Variants in NOTCH2 observed in about 807,000 individuals in gnomAD.
NOTCH2 encodes the protein neurogenic locus notch homolog protein 2.
NOTCH2 carries 29 observed loss-of-function variants against 235.8 expected under a neutral mutation model. The ratio of observed to expected loss-of-function variants is 0.12; its 90% CI spans 0.09 to 0.17. The LOEUF (loss-of-function observed/expected upper bound fraction) is 0.17. Ranked by LOEUF, NOTCH2 falls within the 10% of genes least tolerant of loss-of-function variation. The pLI is 1.00. For missense variants in NOTCH2, 2,285 were observed against 3,150.2 expected (o/e 0.73, Z 6.57); for synonymous variants, 1,086 against 1,141.5 (o/e 0.95, Z 0.98).
At chr1:120,042,133 G>T (rs1170083845) in intron 1 of NOTCH2, among the ~76,000 whole-genome samples, 1 of 99,556 alleles carries the variant, frequency 1.0e-5, no homozygotes, top group African/African-American at 5.3e-5. Flanking sequence ...ACCTAAGTGA[G>T]GTCTGCTCCA....
At chr1:119,954,930 A>G in intron 13 of NOTCH2, 110 bp downstream of exon 13, 1 of 1,062,936 alleles carries the variant, frequency 9.4e-7, no homozygotes, top group East Asian at 2.5e-5. Context: ...AATCTTCAGC[A>G]AAGTTTCAGC....
chr1:119,973,094 G>A (rs1553200561), intron 5 of NOTCH2, among the ~76,000 whole-genome samples: 1 of 152,180 alleles, frequency 6.6e-6, no homozygotes, highest in Non-Finnish European at 1.5e-5. Flanking sequence ...GCATCTGTTC[G>A]ATAGTGCTTG....
At chr1:119,953,779 AAACT>A in intron 13 of NOTCH2, 91 bp from the exon 14 acceptor site, 3 of 1,093,600 alleles carry the variant, frequency 2.7e-6, no homozygotes, top group Non-Finnish European at 4.2e-6. Flanking sequence ...GAAATGGGGT[AAACT>A]GATCTCATTT....
At chr1:119,921,207 A>G (rs1649274977) in intron 29 of NOTCH2, among the ~76,000 whole-genome samples, 1 of 152,204 alleles carries the variant, frequency 6.6e-6, no homozygotes, top group Non-Finnish European at 1.5e-5. Context: ...TTTTCATGTC[A>G]GTCTCAGCCC....
rs782601589 is a variant in NOTCH2 at position 119,968,244 on chromosome 1, T to G, written c.1109-12A>C. On this transcript the variant is annotated splice_polypyrimidine_tract_variant and intron_variant, in intron 6 of 33. Coordinates refer to ENST00000256646, the MANE Select transcript of NOTCH2 (RefSeq NM_024408.4). ...ATGACACAGGAGACCTGTCACAGGG[T>G]GGGGCAAAGGACAACTAAGAGAAAA... 24 of 1,613,142 alleles carry G rather than the reference T, an allele frequency of 1.5e-5. No individual in the cohort carries two copies. The South Asian group carries it at 2.4e-4, about 16-fold the overall frequency.
chr1:120,011,797 A>C (rs1553206975), intron 2 of NOTCH2, among the ~76,000 whole-genome samples: 2 of 151,982 alleles, frequency 1.3e-5, no homozygotes, highest in Non-Finnish European at 2.9e-5. Context: ...CAGGCAGATC[A>C]CCAGGTCAGG....
chr1:119,955,911 GTTATT>G (rs1160000861), intron 12 of NOTCH2, among the ~76,000 whole-genome samples: 3 of 152,188 alleles, frequency 2.0e-5, no homozygotes, highest in African/African-American at 7.2e-5. Context: ...ACTTTAAGTT[GTTATT>G]TTAAGTGGAG....
chr1:119,951,081 C>A (rs143243354), intron 14 of NOTCH2, among the ~76,000 whole-genome samples: 11 of 152,284 alleles, frequency 7.2e-5, no homozygotes, highest in African/African-American at 2.6e-4. Flanking sequence ...AAGCCTAATG[C>A]CCCTCCAACT....
chr1:119,917,614 A>T (rs1163467222), intron 33 of NOTCH2, 51 bp downstream of exon 33: 2 of 1,161,116 alleles, frequency 1.7e-6, no homozygotes, highest in Non-Finnish European at 2.6e-6. Flanking sequence ...ATGGGCTTAT[A>T]ACTGAGGCAC....
chr1:120,029,614 G>T (rs1553210663), intron 2 of NOTCH2, among the ~76,000 whole-genome samples: 1 of 152,046 alleles, frequency 6.6e-6, no homozygotes, highest in African/African-American at 2.4e-5. Context: ...CTCCTGAAGT[G>T]CTGGGATTAC....
At chr1:119,940,802 G>A in intron 18 of NOTCH2, 46 bp from the exon 19 acceptor site, 3 of 1,508,204 alleles carry the variant, frequency 2.0e-6, no homozygotes, top group South Asian at 2.3e-5. Flanking sequence ...TGGTGCCTGT[G>A]ACTTACTACT....
intron 1 of NOTCH2, among the ~76,000 whole-genome samples, chr1:120,041,040 G>GA (rs1654528217): frequency 9.5e-5 from 2 of 21,038 alleles, no homozygotes; most frequent in East Asian, 1.6e-3. Context: ...GACTCTGCCT[G>GA]CAAAAAAAAA....
chr1:119,958,502 T>C (rs1650798708), intron 12 of NOTCH2, among the ~76,000 whole-genome samples: 1 of 152,252 alleles, frequency 6.6e-6, no homozygotes, highest in East Asian at 1.9e-4. Flanking sequence ...AACAACCACA[T>C]GGAAATTATT....
intron 28 of NOTCH2, 52 bp from the exon 29 acceptor site, chr1:119,921,861 A>G: frequency 6.9e-7 from 1 of 1,456,048 alleles, no homozygotes; most frequent in East Asian, 2.3e-5. Flanking sequence ...AAACTAATAC[A>G]GTGGTTTTCA....
chr1:120,041,836 GAA>G (rs1274870239), intron 1 of NOTCH2, among the ~76,000 whole-genome samples: 1 of 89,716 alleles, frequency 1.1e-5, no homozygotes, highest in African/African-American at 5.3e-5. Flanking sequence ...AACTGCTAAA[GAA>G]AGAGAGAGAG....
chr1:119,974,715 AT>A (rs1651500867), intron 5 of NOTCH2, among the ~76,000 whole-genome samples: 1 of 152,194 alleles, frequency 6.6e-6, no homozygotes, highest in Non-Finnish European at 1.5e-5. Flanking sequence ...GCTTATTCAC[AT>A]GGCGAGGTAC....
At chr1:120,005,163 A>G (rs1382086845) in intron 3 of NOTCH2, 166 bp downstream of exon 3, 18 of 871,692 alleles carry the variant, frequency 2.1e-5, no homozygotes, top group Admixed American at 1.1e-4. Context: ...AAACTCTTAA[A>G]AGGAAGTTAG....
intron 22 of NOTCH2, 38 bp downstream of exon 22, chr1:119,935,434 A>G: frequency 6.2e-7 from 1 of 1,614,074 alleles, no homozygotes; most frequent in Middle Eastern, 1.6e-4. Context: ...ACTTAAGACA[A>G]TGCCCTGGAT....
rs587752252 is a variant in NOTCH2 at position 119,955,156 on chromosome 1, C to T, written c.2103G>A (p.Val701=). The change falls in exon 13 of 34, where the codon GTG becomes GTA. Residue 701 remains valine (V), a synonymous_variant. Coordinates refer to ENST00000256646, the MANE Select transcript of NOTCH2 (RefSeq NM_024408.4). ...CGGGGCATATACAGCGGAAACCATT[C>T]ACACCGTTGATACATGTTGCACCCT... The part of the protein sequence containing the change: ...CRKGATCING[V]NGFRCICPEG... 2 of 1,614,154 alleles carry T rather than the reference C, an allele frequency of 1.2e-6. No homozygotes were observed. The highest frequency in any genetic ancestry group is 1.7e-6 in the Non-Finnish European group (2 of 1,180,016).
Sources: gnomAD v4.1 joint callset for allele counts (sites outside exome capture counted in the v4.1 genomes callset) on GRCh38, gnomAD v4.1.1 for gene constraint, MANE v1.5 for transcripts, NCBI Gene and HGNC (gene_info 2026-07-23, HGNC 2026-07-21) for gene names.